The following HMCN2 variants were observed in gnomAD, a reference collection of about 807,000 sequenced individuals.
HMCN2 encodes the protein hemicentin 2, also known as hemicentin-2.
Under a neutral mutation model 377.5 loss-of-function variants are expected in HMCN2, and 325 were observed. The ratio of observed to expected loss-of-function variants is 0.86; its 90% confidence interval spans 0.79 to 0.94. HMCN2 has a LOEUF of 0.94. Ranked by LOEUF, HMCN2 falls within the 40% of genes least tolerant of loss-of-function variation. HMCN2 has a pLI of 0.00. For missense variants in HMCN2, 4,543 were observed against 4,725.3 expected (o/e 0.96, Z 1.13); for synonymous variants, 2,007 against 2,046.8 (o/e 0.98, Z 0.53).
chr9:130,412,510 A>C (rs886998565), intron 85 of HMCN2, among the ~76,000 whole-genome samples: 2 of 151,656 alleles, frequency 1.3e-5, no homozygotes, highest in African/African-American at 4.8e-5. Flanking sequence ...ACACCTTTTA[A>C]AAATCTTTGC....
rs1040342998 is a variant in HMCN2 at position 130,307,448 on chromosome 9, C to T, written c.2087-5C>T. ...TCCCAAATTCTGCATCTCTTCCCCA[C>T]ACAGACCCACCGTCGGTCTCTGCTG... On this transcript the variant is annotated splice_polypyrimidine_tract_variant and splice_region_variant and intron_variant, in intron 13 of 97. Transcript: ENST00000683500. The T allele has an allele frequency of 2.1e-6, 1 of 470,996 alleles. No individual in the cohort carries two copies. 29.2% of individuals were successfully genotyped at this position (470,996 alleles called of 1,614,324 possible). A position where few individuals can be genotyped will look rare whatever the true frequency, so the allele number is the denominator to read the frequency against.
At position 130,427,332 on chromosome 9, in the gene HMCN2, C is replaced by T; in HGVS notation, c.13899C>T (p.Cys4633=). The T allele has an allele frequency of 6.4e-7, 1 of 1,550,552 alleles. No individual in the cohort carries two copies. The highest frequency in any genetic ancestry group is 1.2e-5 in the South Asian group (1 of 84,064). ...ALQAEENEVG[C]PEGFELDSQG... ...TTGCAGAGGAGAACGAGGTCGGCTG[C>T]CCCGAGGGCTTTGAGCTGGACTCCC... The change falls in exon 91 of 98, where the codon TGC becomes TGT. Residue 4633 remains cysteine (C), a synonymous_variant. Transcript: ENST00000683500.
chr9:130,311,170 G>A (rs904272759), intron 15 of HMCN2, among the ~76,000 whole-genome samples: 162 of 152,368 alleles, frequency 1.1e-3, no homozygotes, highest in African/African-American at 3.5e-3. Context: ...AGGCCACGGC[G>A]AGAGAGGCAG....
At chr9:130,427,643 G>T (rs773961138) in intron 92 of HMCN2, 24 bp downstream of exon 92, 41 of 1,543,732 alleles carry the variant, frequency 2.7e-5, no homozygotes, top group Non-Finnish European at 3.1e-5. Flanking sequence ...CGGGAGGAGG[G>T]AGGAGACGCG....
chr9:130,406,189 G>A lies in HMCN2; in HGVS notation c.12553+21G>A. 2.3e-6 allele frequency: 3 copies of A among 1,289,072 alleles called. No homozygotes were observed. The South Asian group carries it at 3.7e-5, about 16-fold the overall frequency. 79.9% of individuals were successfully genotyped at this position (1,289,072 alleles called of 1,614,324 possible). ...CACAGGTCTGGGTCTGCTGGGCATG[G>A]GTGGGACAGAGAGCCAGGACACCGG... is the stretch of plus-strand genomic sequence containing the variant. On this transcript the variant is annotated intron_variant, in intron 82 of 97. Coordinates refer to ENST00000683500, the MANE Select transcript of HMCN2 (RefSeq NM_001291815.2).
chr9:130,283,267 T>A lies in HMCN2; in HGVS notation c.260-1336T>A, dbSNP rs955321272. 4.6e-4 allele frequency among the ~76,000 whole-genome samples: 69 copies of A among 149,764 alleles called. 1 individual carries two copies. Among genetic ancestry groups the A allele is most frequent in the South Asian group, 2.8e-3 (13 of 4,706 alleles). On this transcript the variant is annotated intron_variant, in intron 1 of 97. Coordinates refer to ENST00000683500, the MANE Select transcript of HMCN2 (RefSeq NM_001291815.2). ...GTGGATCTCCATTACTGCTATTTTTTAAAAAAAAAAAACTCTTTGTTAGTG... is the reference window on the plus strand; with the variant it reads ...GTGGATCTCCATTACTGCTATTTTTAAAAAAAAAAAAACTCTTTGTTAGTG...
intron 84 of HMCN2, among the ~76,000 whole-genome samples, chr9:130,409,712 AGG>A (rs1259454522): frequency 3.3e-5 from 5 of 152,122 alleles, no homozygotes; most frequent in Non-Finnish European, 5.9e-5. Flanking sequence ...ATTTTACAGA[AGG>A]GGTAACTGAG....
rs1471481813 is a variant in HMCN2 at position 130,428,257 on chromosome 9, C to A, written c.14066-101C>A. The A allele has an allele frequency of 6.6e-6, 9 of 1,355,336 alleles. No homozygotes were observed. In the African/African-American group the frequency reaches 1.2e-4, roughly 18 times the overall value. The allele number at this position is 1,355,336 out of a possible 1,614,324, so 84.0% of individuals were successfully genotyped here. ...GACCTTCCTGCCAGTGGCTCCTGGG[C>A]CTGCGGACGAAGCCTCTGTGGATAG... On this transcript the variant is annotated intron_variant, in intron 92 of 97. Coordinates refer to ENST00000683500, the MANE Select transcript of HMCN2 (RefSeq NM_001291815.2). The surrounding 1 kb of genome is among the most constrained non-coding windows in gnomAD (Gnocchi z 5.0).
intron 1 of HMCN2, among the ~76,000 whole-genome samples, chr9:130,275,976 C>T (rs1372618076): frequency 2.6e-5 from 4 of 151,964 alleles, no homozygotes; most frequent in African/African-American, 9.7e-5. Context: ...GGCCAAATAA[C>T]ACCTCATCAA....
chr9:130,349,115 C>T lies in HMCN2; in HGVS notation c.4287C>T (p.Phe1429=). The change falls in exon 28 of 98, where the codon TTC becomes TTT. Residue 1429 remains phenylalanine (F), a synonymous_variant. Coordinates refer to ENST00000683500, the MANE Select transcript of HMCN2 (RefSeq NM_001291815.2). Reference sequence around the variant, plus strand: ...AGGCTGGCACCGCCCAGAGGGACTTCCATCTCCTTGTGCTCAGTGAGTGAG... The same window carrying T: ...AGGCTGGCACCGCCCAGAGGGACTTTCATCTCCTTGTGCTCAGTGAGTGAG... ...ENQAGTAQRD[F]HLLVLTPPSV... is the part of the protein sequence containing the mutation. 7.7e-7 allele frequency: 1 copy of T among 1,304,142 alleles called. No individual in the cohort carries two copies. The highest frequency in any genetic ancestry group is 1.0e-6 in the Non-Finnish European group (1 of 988,884). 80.8% of individuals were successfully genotyped at this position (1,304,142 alleles called of 1,614,324 possible).
At chr9:130,430,838 T>G in intron 95 of HMCN2, 1 of 547,870 alleles carries the variant, frequency 1.8e-6, no homozygotes, top group Non-Finnish European at 3.2e-6. Context: ...CCATTTGACT[T>G]CAGGACACTT....
At chr9:130,396,960 C>A (rs1471456891) in intron 73 of HMCN2, among the ~76,000 whole-genome samples, 1 of 152,234 alleles carries the variant, frequency 6.6e-6, no homozygotes, top group African/African-American at 2.4e-5. Context: ...CTCCATCTTT[C>A]CAATGTTGGC....
chr9:130,307,777 G>A (rs1554937408), intron 14 of HMCN2, among the ~76,000 whole-genome samples: 1 of 152,086 alleles, frequency 6.6e-6, no homozygotes, highest in African/African-American at 2.4e-5. Context: ...TAGGTATTCA[G>A]AGCAGCACTG....
chr9:130,342,590 A>G (rs1839117362), intron 25 of HMCN2, among the ~76,000 whole-genome samples, 154 bp downstream of exon 25: 1 of 151,960 alleles, frequency 6.6e-6, no homozygotes, highest in Non-Finnish European at 1.5e-5. Context: ...CCCATTGTCA[A>G]CCCTGCAGGA....
chr9:130,302,915 G>C lies in HMCN2; in HGVS notation c.1335G>C (p.Leu445=), dbSNP rs1554935048. 1 of 470,836 alleles carries C rather than the reference G, an allele frequency of 2.1e-6. No individual in the cohort carries two copies. The highest frequency in any genetic ancestry group is 4.4e-6 in the Non-Finnish European group (1 of 226,844). The allele number at this position is 470,836 out of a possible 1,614,324, so 29.2% of individuals were successfully genotyped here. A position where few individuals can be genotyped will look rare whatever the true frequency, so the allele number is the denominator to read the frequency against. Residue 445 remains leucine, a synonymous_variant, in exon 9 of 98, where the codon CTG becomes CTC. Transcript: ENST00000683500. ...RIHGYLHQPL[L]VSCSVHSALP... ...ATGGCTACCTGCACCAGCCCCTGCT[G>C]GTCTCCTGCTCGGTGCACAGTGCCC...
chr9:130,293,279 G>GTTTTTTTTTTTTT lies in HMCN2; in HGVS notation c.613-1567_613-1555dup, dbSNP rs71387339. ...TTCCAAATAAAATCTACTCACTAAA[G>GTTTTTTTTTTTTT]TTTTTTTTTTTTTTTTTTTTTGCGG... is the stretch of plus-strand genomic sequence containing the variant. On this transcript the variant is annotated intron_variant, in intron 4 of 97. Coordinates refer to ENST00000683500, the MANE Select transcript of HMCN2 (RefSeq NM_001291815.2). Among the ~76,000 whole-genome samples, 49 of 57,120 alleles carry GTTTTTTTTTTTTT rather than the reference G, an allele frequency of 8.6e-4. 4 individuals carry two copies. Among genetic ancestry groups the GTTTTTTTTTTTTT allele is most frequent in the East Asian group, 1.3e-3 (2 of 1,578 alleles). 37.5% of individuals were successfully genotyped at this position (57,120 alleles called of 152,430 possible).
intron 1 of HMCN2, among the ~76,000 whole-genome samples, chr9:130,274,227 A>T (rs541207113): frequency 1.3e-5 from 2 of 151,452 alleles, no homozygotes; most frequent in Non-Finnish European, 2.9e-5. Flanking sequence ...TAATTTTTGT[A>T]TTTTTTAGTA....
chr9:130,314,872 C>T (rs2131379093), intron 15 of HMCN2, among the ~76,000 whole-genome samples: 1 of 152,154 alleles, frequency 6.6e-6, no homozygotes, highest in East Asian at 1.9e-4. Flanking sequence ...AAACTGAGGC[C>T]CAGAGTGAGG....
chr9:130,406,968 C>T (rs749944881), intron 82 of HMCN2: 17 of 153,272 alleles, frequency 1.1e-4, no homozygotes, highest in Admixed American at 3.2e-4. Context: ...ATCCTTCTCT[C>T]GGCTGGGCGC....
Sources: allele counts gnomAD v4.1 joint callset (sites outside exome capture counted in the v4.1 genomes callset), GRCh38; gene constraint gnomAD v4.1.1; non-coding constraint Gnocchi (gnomAD v3.1); transcripts MANE v1.5; gene names NCBI Gene and HGNC (gene_info 2026-07-23, HGNC 2026-07-21).